The following SGCZ variants were observed in gnomAD, a reference collection of about 807,000 sequenced individuals.
SGCZ encodes zeta-sarcoglycan.
A neutral mutation model predicts 41.3 loss-of-function variants in SGCZ; 40 were observed. That is an observed-to-expected ratio of 0.97 (90% CI 0.75 to 1.26). The LOEUF (loss-of-function observed/expected upper bound fraction) is 1.26. Ranked by LOEUF, SGCZ falls within the 50% of genes most tolerant of loss-of-function variation. The pLI, the probability that SGCZ is intolerant of heterozygous loss-of-function variation, is 0.00. For synonymous variants in SGCZ, 206 were observed against 137.5 expected (o/e 1.50, Z -3.49); for missense variants, 552 against 369.8 (o/e 1.49, Z -4.04).
At chr8:14,615,138 C>A (rs13277681) in intron 1 of SGCZ, among the ~76,000 whole-genome samples, 2 of 151,876 alleles carry the variant, frequency 1.3e-5, no homozygotes, top group African/African-American at 4.8e-5. Flanking sequence ...TATGACTGTA[C>A]TACATTTGGA....
intron 1 of SGCZ, among the ~76,000 whole-genome samples, chr8:15,066,400 C>T (rs1273529226): frequency 6.6e-6 from 1 of 151,058 alleles, no homozygotes; most frequent in Non-Finnish European, 1.5e-5. Flanking sequence ...CATTTCCCTT[C>T]TGTGGTATAT....
chr8:14,262,569 C>T (rs923159235), intron 3 of SGCZ, among the ~76,000 whole-genome samples: 3 of 151,750 alleles, frequency 2.0e-5, no homozygotes, highest in Non-Finnish European at 2.9e-5. Flanking sequence ...AAAAATTATT[C>T]TAATTTCCAT....
chr8:14,260,139 T>C (rs993292460), intron 3 of SGCZ, among the ~76,000 whole-genome samples: 3 of 152,060 alleles, frequency 2.0e-5, no homozygotes, highest in Admixed American at 6.6e-5. Flanking sequence ...TATAAGAAAC[T>C]ACCATCAGAG....
chr8:15,198,329 G>A (rs1800795093), intron 1 of SGCZ, among the ~76,000 whole-genome samples: 2 of 151,758 alleles, frequency 1.3e-5, no homozygotes, highest in African/African-American at 4.8e-5. Context: ...ATCTCAACAA[G>A]GGAAAACATC....
At chr8:14,484,512 G>T (rs1235324441) in intron 2 of SGCZ, among the ~76,000 whole-genome samples, 1 of 152,128 alleles carries the variant, frequency 6.6e-6, no homozygotes, top group East Asian at 1.9e-4. Flanking sequence ...TTGGTTAGCA[G>T]TTTCCCGGTT....
intron 1 of SGCZ, among the ~76,000 whole-genome samples, chr8:14,959,526 C>T (rs919854595): frequency 3.3e-5 from 5 of 152,182 alleles, no homozygotes; most frequent in East Asian, 1.9e-4. Context: ...ATATACAAAA[C>T]AGCTGAATGA....
intron 2 of SGCZ, among the ~76,000 whole-genome samples, chr8:14,404,922 C>A (rs1799170673): frequency 6.6e-6 from 1 of 152,170 alleles, no homozygotes; most frequent in African/African-American, 2.4e-5. Flanking sequence ...TTCTTTCGTT[C>A]CCTGTGGCTA....
intron 1 of SGCZ, among the ~76,000 whole-genome samples, chr8:14,772,790 G>T (rs1364439565): frequency 6.6e-6 from 1 of 151,988 alleles, no homozygotes; most frequent in Non-Finnish European, 1.5e-5. Context: ...GTATTCCATG[G>T]TGTATATGTG....
At position 14,924,855 on chromosome 8, in the gene SGCZ, CTTTTT is replaced by C. The variant is rs35271116; in HGVS notation, c.39+312725_39+312729del. Among the ~76,000 whole-genome samples the C allele has an allele frequency of 7.5e-4, 82 of 108,668 alleles. 1 individual carries two copies. The East Asian group carries it at 0.019, about 25-fold the overall frequency. The allele number at this position is 108,668 out of a possible 152,430, so 71.3% of individuals were successfully genotyped here. A position where few individuals can be genotyped will look rare whatever the true frequency, so the allele number is the denominator to read the frequency against. ...TATGTCTTTATCTAGGAATTTAAGACTTTTTTTTTTTTTTTTTTTTGAGACAGATT... is the reference window on the plus strand; with the variant it reads ...TATGTCTTTATCTAGGAATTTAAGACTTTTTTTTTTTTTTTGAGACAGATT... On this transcript the variant is annotated intron_variant, in intron 1 of 7. Coordinates refer to ENST00000382080, the MANE Select transcript of SGCZ (RefSeq NM_139167.4).
At chr8:14,456,831 T>C (rs527621897) in intron 2 of SGCZ, among the ~76,000 whole-genome samples, 6 of 152,244 alleles carry the variant, frequency 3.9e-5, no homozygotes, top group African/African-American at 1.4e-4. Flanking sequence ...ACTGCTGTCT[T>C]TGTGATAGTG....
intron 1 of SGCZ, among the ~76,000 whole-genome samples, chr8:15,186,970 AGAG>A (rs1239716783): frequency 6.6e-6 from 1 of 152,150 alleles, no homozygotes; most frequent in African/African-American, 2.4e-5. Flanking sequence ...ATGTCAGTTG[AGAG>A]GAGACCTTTC....
intron 3 of SGCZ, among the ~76,000 whole-genome samples, chr8:14,242,472 G>C (rs1798924676): frequency 6.6e-6 from 1 of 152,136 alleles, no homozygotes; most frequent in Non-Finnish European, 1.5e-5. Context: ...TGACTTCCAA[G>C]TTACTCCACA....
intron 2 of SGCZ, among the ~76,000 whole-genome samples, chr8:14,343,036 T>C (rs1563268894): frequency 1.3e-5 from 2 of 152,178 alleles, no homozygotes; most frequent in East Asian, 3.9e-4. Context: ...GGGCTGTGAC[T>C]TCAGAGGGTG....
At chr8:14,333,127 T>C (rs866840464) in intron 2 of SGCZ, among the ~76,000 whole-genome samples, 1 of 152,236 alleles carries the variant, frequency 6.6e-6, no homozygotes, top group East Asian at 1.9e-4. Flanking sequence ...TAATATTAGT[T>C]ACATGATGCA....
intron 1 of SGCZ, among the ~76,000 whole-genome samples, chr8:14,557,383 G>C (rs1176121845): frequency 2.6e-5 from 4 of 151,790 alleles, no homozygotes; most frequent in African/African-American, 7.3e-5. Flanking sequence ...TGGGTTGTCT[G>C]TTTACCTTTC....
At chr8:14,643,550 A>C (rs974410147) in intron 1 of SGCZ, among the ~76,000 whole-genome samples, 6 of 151,662 alleles carry the variant, frequency 4.0e-5, no homozygotes, top group African/African-American at 1.5e-4. Context: ...TTCAAAAAAA[A>C]AAAGAGAAGC....
In SGCZ at chr8:14,562,360, T is replaced by C. The variant is rs571606427; in HGVS notation, c.40-7434A>G. ...AGATTGATGCATTATGAATCTCACGTTTGACGAAAACACAATATGTGCATA... is the reference window on the plus strand; with the variant it reads ...AGATTGATGCATTATGAATCTCACGCTTGACGAAAACACAATATGTGCATA... On this transcript the variant is annotated intron_variant, in intron 1 of 7. Transcript: ENST00000382080. Among the ~76,000 whole-genome samples the C allele has an allele frequency of 1.8e-4, 28 of 152,190 alleles. No homozygotes were observed. The South Asian group carries it at 5.2e-3, about 28-fold the overall frequency.
intron 1 of SGCZ, among the ~76,000 whole-genome samples, chr8:15,155,351 G>T (rs1431023326): frequency 6.6e-6 from 1 of 152,096 alleles, no homozygotes; most frequent in African/African-American, 2.4e-5. Flanking sequence ...TAATTATCCT[G>T]ATTTGATCAT....
At chr8:14,897,367 C>T (rs931495425) in intron 1 of SGCZ, among the ~76,000 whole-genome samples, 2 of 152,090 alleles carry the variant, frequency 1.3e-5, no homozygotes, top group African/African-American at 4.8e-5. Context: ...TAGAAACAAC[C>T]TATTATACTG....
Sources: allele counts gnomAD v4.1 joint callset (sites outside exome capture counted in the v4.1 genomes callset), GRCh38; gene constraint gnomAD v4.1.1; transcripts MANE v1.5; gene names NCBI Gene and HGNC (gene_info 2026-07-23, HGNC 2026-07-21).